KIF6: variants seen among roughly 807,000 people sequenced by gnomAD.
KIF6 encodes the protein kinesin-like protein KIF6.
A neutral mutation model predicts 112.7 loss-of-function variants in KIF6; 106 were observed. That is an observed-to-expected ratio of 0.94 (90% confidence interval 0.80 to 1.11). The LOEUF is 1.11. Ranked by LOEUF, KIF6 falls within the 50% of genes least tolerant of loss-of-function variation. The probability of loss-of-function intolerance (pLI) is 0.00; values close to 1 mark genes in which losing one functional copy is unlikely to be tolerated. For synonymous variants in KIF6, 339 were observed against 339.9 expected (o/e 1.00, Z 0.03); for missense variants, 929 against 964.0 (o/e 0.96, Z 0.48).
chr6:39,401,831 A>G (rs889382256), intron 15 of KIF6, among the ~76,000 whole-genome samples: 1 of 152,164 alleles, frequency 6.6e-6, no homozygotes, highest in Non-Finnish European at 1.5e-5. Context: ...TCTGAAAAAT[A>G]TTACTACTGC....
chr6:39,666,968 T>C (rs1368662305), intron 3 of KIF6, among the ~76,000 whole-genome samples: 3 of 152,210 alleles, frequency 2.0e-5, no homozygotes, highest in Admixed American at 6.5e-5. Flanking sequence ...CTTTTATCTT[T>C]CATTTCATTA....
intron 5 of KIF6, among the ~76,000 whole-genome samples, chr6:39,619,929 T>C (rs1783723996): frequency 6.6e-6 from 1 of 152,200 alleles, no homozygotes; most frequent in African/African-American, 2.4e-5. Context: ...CTGTATTATG[T>C]TAATCTAACC....
intron 22 of KIF6, among the ~76,000 whole-genome samples, chr6:39,337,155 T>TTTTCCTTCC (rs1554195029): frequency 6.3e-4 from 34 of 53,698 alleles, no homozygotes; most frequent in East Asian, 5.2e-3. Flanking sequence ...TTTCTCTTTC[T>TTTTCCTTCC]TTTCTTTCTT....
rs372652559 is a variant in KIF6 at position 39,555,143 on chromosome 6, G to C, written c.1182-9455C>G. 3.3e-5 allele frequency among the ~76,000 whole-genome samples: 5 copies of C among 152,130 alleles called. No homozygotes were observed. The East Asian group carries it at 5.8e-4, about 18-fold the overall frequency. Reference sequence around the variant, plus strand: ...GGACTGTCTTAGAGATCAGGGGAAAGCTCCAGCCCCCTGCACCATGAAGCC... The same window carrying C: ...GGACTGTCTTAGAGATCAGGGGAAACCTCCAGCCCCCTGCACCATGAAGCC... On this transcript the variant is annotated intron_variant, in intron 10 of 22. Coordinates refer to ENST00000287152, the MANE Select transcript of KIF6 (RefSeq NM_145027.6).
At chr6:39,522,488 C>A (rs1359897942) in intron 13 of KIF6, among the ~76,000 whole-genome samples, 1 of 152,220 alleles carries the variant, frequency 6.6e-6, no homozygotes, top group East Asian at 1.9e-4. Flanking sequence ...CCTCAAAATT[C>A]CTTAATCTCC....
chr6:39,396,953 A>C (rs1262468896), intron 15 of KIF6, among the ~76,000 whole-genome samples: 1 of 152,184 alleles, frequency 6.6e-6, no homozygotes, highest in East Asian at 1.9e-4. Context: ...CCCTTTTAGA[A>C]AAGCATCTTT....
intron 10 of KIF6, chr6:39,553,712 T>C (rs1779525065): frequency 6.6e-6 from 1 of 152,250 alleles, no homozygotes; most frequent in African/African-American, 2.4e-5. Context: ...TAAAGGTATA[T>C]ATGTCTTATG....
At chr6:39,381,404 A>G (rs1301990863) in intron 16 of KIF6, among the ~76,000 whole-genome samples, 1 of 152,184 alleles carries the variant, frequency 6.6e-6, no homozygotes, top group African/African-American at 2.4e-5. Context: ...AGATACACAA[A>G]AAAGACAGAA....
In KIF6 at chr6:39,439,029, G is replaced by T. The variant is rs534995541; in HGVS notation, c.1646-7868C>A. Among the ~76,000 whole-genome samples, 20 of 152,300 alleles carry T rather than the reference G, an allele frequency of 1.3e-4. No homozygotes were observed. In the South Asian group the frequency reaches 3.9e-3, roughly 30 times the overall value. The stretch of plus-strand genomic sequence containing the variant: ...AGTTTATCCCATCTAGCCTAGGTGT[G>T]TAGTAGTCTATACTATCTAGGTTTC... On this transcript the variant is annotated intron_variant, in intron 13 of 22. Transcript: ENST00000287152.
intron 10 of KIF6, among the ~76,000 whole-genome samples, chr6:39,575,461 T>TG (rs1179006923): frequency 7.2e-5 from 11 of 151,842 alleles, no homozygotes; most frequent in East Asian, 3.9e-4. Context: ...TTAGTAGAGA[T>TG]GGGTTTCACC....
chr6:39,523,994 AG>A (rs1477987905), intron 13 of KIF6, among the ~76,000 whole-genome samples: 1 of 152,080 alleles, frequency 6.6e-6, no homozygotes, highest in African/African-American at 2.4e-5. Flanking sequence ...TATGCTTCCC[AG>A]TGCTCCTGCA....
At chr6:39,379,437 G>C (rs1160613325) in intron 16 of KIF6, among the ~76,000 whole-genome samples, 5 of 152,186 alleles carry the variant, frequency 3.3e-5, no homozygotes, top group Non-Finnish European at 5.9e-5. Flanking sequence ...CTAGGGATTC[G>C]AAGATGAATT....
chr6:39,427,331 T>C (rs888214925), intron 14 of KIF6, among the ~76,000 whole-genome samples: 1 of 152,200 alleles, frequency 6.6e-6, no homozygotes, highest in Non-Finnish European at 1.5e-5. Context: ...CCTATGAGCA[T>C]CTGTGAAGCC....
At chr6:39,580,955 A>T (rs545975802) in intron 9 of KIF6, among the ~76,000 whole-genome samples, 1 of 152,238 alleles carries the variant, frequency 6.6e-6, no homozygotes, top group Non-Finnish European at 1.5e-5. Flanking sequence ...TGAATTCCCA[A>T]AATAAACCCA....
At chr6:39,615,926 G>A (rs12194376) in intron 5 of KIF6, among the ~76,000 whole-genome samples, 3,063 of 152,060 alleles carry the variant, frequency 0.02, 57 homozygotes, top group Admixed American at 0.033. Flanking sequence ...AATAACTAAC[G>A]CTCAACTGGG....
At chr6:39,442,998 C>T (rs994636725) in intron 13 of KIF6, among the ~76,000 whole-genome samples, 1 of 151,740 alleles carries the variant, frequency 6.6e-6, no homozygotes, top group African/African-American at 2.4e-5. Flanking sequence ...CCTGTAGTCC[C>T]AGCTACTGGG....
intron 3 of KIF6, among the ~76,000 whole-genome samples, chr6:39,675,778 G>GA (rs1027191483): frequency 1.4e-4 from 20 of 148,050 alleles, no homozygotes; most frequent in Admixed American, 1.3e-4. Context: ...AAACAGATAG[G>GA]AAAAAAAAAT....
intron 16 of KIF6, 47 bp from the exon 17 acceptor site, chr6:39,362,565 G>T: frequency 7.4e-7 from 1 of 1,354,056 alleles, no homozygotes; most frequent in Middle Eastern, 1.8e-4. Flanking sequence ...AAGGGTAAAA[G>T]GAAGAGTGTG....
At chr6:39,449,574 T>C (rs1772551689) in intron 13 of KIF6, among the ~76,000 whole-genome samples, 1 of 152,238 alleles carries the variant, frequency 6.6e-6, no homozygotes, top group Admixed American at 6.5e-5. Context: ...TCTTTTTCTG[T>C]TTCATATCCT....
Sources: allele counts gnomAD v4.1 joint callset (sites outside exome capture counted in the v4.1 genomes callset), GRCh38; gene constraint gnomAD v4.1.1; transcripts MANE v1.5; gene names NCBI Gene and HGNC (gene_info 2026-07-23, HGNC 2026-07-21).